The following MYO3B variants were observed in gnomAD, a reference collection of about 807,000 sequenced individuals.
The protein encoded by MYO3B is myosin-IIIb.
MYO3B carries 156 observed loss-of-function variants against 174.6 expected under a neutral mutation model. The observed-to-expected ratio is 0.89, with a 90% CI of 0.78 to 1.02. The LOEUF (loss-of-function observed/expected upper bound fraction) is 1.02, where lower values mean the gene tolerates loss of function less well. Ranked by LOEUF, MYO3B falls within the 50% of genes least tolerant of loss-of-function variation. The pLI is 0.00. For missense variants in MYO3B, 1,632 were observed against 1,639.4 expected (o/e 1.00, Z 0.08); for synonymous variants, 563 against 569.1 (o/e 0.99, Z 0.15).
intron 8 of MYO3B, chr2:170,341,419 G>T (rs1298269757): frequency 6.6e-6 from 1 of 152,170 alleles, no homozygotes; most frequent in Non-Finnish European, 1.5e-5. Flanking sequence ...CATGCAAAGG[G>T]TTAATACTTC....
At chr2:170,360,902 CTCAGCCG>C (rs2094155767) in intron 8 of MYO3B, among the ~76,000 whole-genome samples, 3 of 152,316 alleles carry the variant, frequency 2.0e-5, no homozygotes, top group Admixed American at 2.0e-4. Flanking sequence ...TCTTGGAATT[CTCAGCCG>C]TCAGAACTGT....
chr2:170,299,022 G>A (rs1449585259), intron 7 of MYO3B, among the ~76,000 whole-genome samples: 1 of 152,174 alleles, frequency 6.6e-6, no homozygotes, highest in Non-Finnish European at 1.5e-5. Flanking sequence ...CTAGGTTTGT[G>A]TAAGTATATT....
chr2:170,652,080 G>T, intron 33 of MYO3B, 28 bp from the exon 34 acceptor site: 4 of 1,603,636 alleles, frequency 2.5e-6, no homozygotes, highest in Non-Finnish European at 3.4e-6. Context: ...GCTTTGCTTT[G>T]ACTGTGTGTT....
chr2:170,450,472 G>A (rs577831324), intron 23 of MYO3B, among the ~76,000 whole-genome samples: 3 of 152,124 alleles, frequency 2.0e-5, no homozygotes, highest in Non-Finnish European at 4.4e-5. Flanking sequence ...GAAAAGACCT[G>A]TACTCTGATA....
At chr2:170,503,231 A>G (rs905983434) in intron 28 of MYO3B, among the ~76,000 whole-genome samples, 1 of 152,238 alleles carries the variant, frequency 6.6e-6, no homozygotes, top group African/African-American at 2.4e-5. Flanking sequence ...CAGGAATCAT[A>G]AATCCAATTT....
chr2:170,259,335 A>G (rs2093328104), intron 7 of MYO3B, among the ~76,000 whole-genome samples: 1 of 152,214 alleles, frequency 6.6e-6, no homozygotes, highest in Non-Finnish European at 1.5e-5. Context: ...TACAGTAGCC[A>G]AAAAGCATGG....
intron 32 of MYO3B, among the ~76,000 whole-genome samples, chr2:170,626,376 C>T (rs762985369): frequency 1.3e-5 from 2 of 152,126 alleles, no homozygotes; most frequent in African/African-American, 4.8e-5. Context: ...AGGATTGCAA[C>T]CCCTGCCTTT....
intron 31 of MYO3B, 147 bp from the exon 32 acceptor site, chr2:170,543,745 T>G: frequency 2.0e-6 from 1 of 497,724 alleles, no homozygotes; most frequent in Non-Finnish European, 3.5e-6. Context: ...CTATGTAAGA[T>G]GGGAGCAACT....
At chr2:170,308,817 T>C (rs2093718155) in intron 7 of MYO3B, among the ~76,000 whole-genome samples, 1 of 152,076 alleles carries the variant, frequency 6.6e-6, no homozygotes, top group East Asian at 1.9e-4. Context: ...CAGTCACTCA[T>C]GGAAAAATGC....
chr2:170,366,389 C>A (rs1216170916), intron 8 of MYO3B, among the ~76,000 whole-genome samples: 1 of 152,102 alleles, frequency 6.6e-6, no homozygotes, highest in Non-Finnish European at 1.5e-5. Context: ...CAATCTCAAA[C>A]TCCTGGGCTC....
chr2:170,423,618 C>G (rs1430441866), intron 22 of MYO3B, among the ~76,000 whole-genome samples: 1 of 137,288 alleles, frequency 7.3e-6, no homozygotes, highest in Non-Finnish European at 1.5e-5. Flanking sequence ...AGAATTCACT[C>G]TCACCAGGCC....
At chr2:170,607,282 TGA>T (rs1175677190) in intron 32 of MYO3B, among the ~76,000 whole-genome samples, 2 of 152,244 alleles carry the variant, frequency 1.3e-5, no homozygotes, top group East Asian at 3.8e-4. Flanking sequence ...GATTAGATTA[TGA>T]TGCAGAAATA....
chr2:170,199,183 C>T (rs1332427554), intron 1 of MYO3B, 25 bp from the exon 2 acceptor site: 26 of 1,545,858 alleles, frequency 1.7e-5, no homozygotes, highest in Non-Finnish European at 2.3e-5. Context: ...ATCTGTTGCA[C>T]ATAACAAATT....
At chr2:170,533,658 T>C (rs1260431847) in intron 30 of MYO3B, among the ~76,000 whole-genome samples, 1 of 152,240 alleles carries the variant, frequency 6.6e-6, no homozygotes, top group Non-Finnish European at 1.5e-5. Context: ...TACCTCATCA[T>C]TACTATTCTC....
intron 12 of MYO3B, chr2:170,385,735 C>T (rs2094369291): frequency 6.6e-6 from 1 of 152,484 alleles, no homozygotes; most frequent in South Asian, 2.1e-4. Context: ...AACAATCTAA[C>T]ATTCTGTTGT....
intron 32 of MYO3B, among the ~76,000 whole-genome samples, chr2:170,558,233 G>A (rs913868323): frequency 3.3e-5 from 5 of 151,836 alleles, no homozygotes; most frequent in East Asian, 1.9e-4. Context: ...CCCGGGAGGC[G>A]GAGCTTGCGG....
At chr2:170,442,600 C>T (rs1297617474) in intron 22 of MYO3B, among the ~76,000 whole-genome samples, 1 of 151,406 alleles carries the variant, frequency 6.6e-6, no homozygotes. Context: ...TGTGCTGCAC[C>T]CATTAACTCA....
At chr2:170,582,108 G>A (rs990611485) in intron 32 of MYO3B, among the ~76,000 whole-genome samples, 5 of 152,140 alleles carry the variant, frequency 3.3e-5, no homozygotes, top group African/African-American at 1.2e-4. Flanking sequence ...ATCTGCAAGG[G>A]CAAAGATTCT....
intron 32 of MYO3B, among the ~76,000 whole-genome samples, chr2:170,546,676 A>G (rs1177839735): frequency 6.6e-6 from 1 of 152,244 alleles, no homozygotes; most frequent in Non-Finnish European, 1.5e-5. Context: ...TTTCGCATAT[A>G]TTATCAGTTG....
Sources: gnomAD v4.1 joint callset for allele counts (sites outside exome capture counted in the v4.1 genomes callset) on GRCh38, gnomAD v4.1.1 for gene constraint, MANE v1.5 for transcripts, NCBI Gene and HGNC (gene_info 2026-07-23, HGNC 2026-07-21) for gene names.